The following MICAL2 variants were observed in gnomAD, a reference collection of about 807,000 sequenced individuals.
MICAL2 encodes [F-actin]-monooxygenase MICAL2.
MICAL2 carries 77 observed loss-of-function variants against 127.3 expected under a neutral mutation model. That is an observed-to-expected ratio of 0.60 (90% CI 0.50 to 0.73). MICAL2 has a LOEUF of 0.73. Ranked by LOEUF, MICAL2 falls within the 30% of genes least tolerant of loss-of-function variation. The probability of loss-of-function intolerance (pLI) is 0.00; values close to 1 mark genes in which losing one functional copy is unlikely to be tolerated. For missense variants in MICAL2, 1,351 were observed against 1,434.4 expected, an observed-to-expected ratio of 0.94 and a Z score of 0.94; for synonymous variants, 570 against 551.1, an observed-to-expected ratio of 1.03 and a Z score of -0.48.
intron 2 of MICAL2, among the ~76,000 whole-genome samples, chr11:12,159,747 C>T (rs774849164): frequency 2.6e-5 from 4 of 152,220 alleles, no homozygotes; most frequent in Non-Finnish European, 5.9e-5. Context: ...AATGTTAATA[C>T]GATCTGCAAA....
intron 2 of MICAL2, among the ~76,000 whole-genome samples, chr11:12,284,226 T>C (rs996527141): frequency 6.6e-6 from 1 of 152,202 alleles, no homozygotes; most frequent in Non-Finnish European, 1.5e-5. Context: ...ATCCATCTTT[T>C]TTTCTGGCAA....
chr11:12,146,870 C>T (rs1450998054), intron 2 of MICAL2, among the ~76,000 whole-genome samples: 1 of 152,192 alleles, frequency 6.6e-6, no homozygotes, highest in East Asian at 1.9e-4. Context: ...CCGTGGAATA[C>T]TATGCAGCCA....
rs375319203 is a variant in MICAL2, at chr11:12,145,227, G to A, written c.-78+6767G>A. On this transcript the variant is annotated intron_variant, in intron 2 of 27. Coordinates refer to ENST00000683283, the MANE Select transcript of MICAL2 (RefSeq NM_001282663.2). ...TTCTGTTTTCCAGCAGAACAAAATG[G>A]AAGTGAACAGGCCTCAGACTATGTG... 4.6e-5 allele frequency among the ~76,000 whole-genome samples: 7 copies of A among 152,296 alleles called. No homozygotes were observed. In the East Asian group the frequency reaches 5.8e-4, roughly 13 times the overall value.
At chr11:12,141,310 A>G (rs1590048906) in intron 2 of MICAL2, among the ~76,000 whole-genome samples, 2 of 152,284 alleles carry the variant, frequency 1.3e-5, no homozygotes, top group South Asian at 4.1e-4. Context: ...TTATTCAGGA[A>G]TTCAGGGAGG....
At position 12,222,661 on chromosome 11, in the gene MICAL2, T is replaced by C; in HGVS notation, c.1367T>C (p.Ile456Thr). 1 of 1,614,168 alleles carries C rather than the reference T, an allele frequency of 6.2e-7. No homozygotes were observed. Among genetic ancestry groups the C allele is most frequent in the Non-Finnish European group, 8.5e-7 (1 of 1,180,028 alleles). Residue 456 changes from isoleucine (I) to threonine (T), a missense_variant, in exon 11 of 28, where the codon ATC becomes ACC. Coordinates refer to ENST00000683283, the MANE Select transcript of MICAL2 (RefSeq NM_001282663.2). The stretch of plus-strand genomic sequence containing the variant: ...TTACCTCAGACAACCCCGGAGAACA[T>C]CAACAAGAACTTTGAGCAGTACACG... Reference protein sequence around the residue: ...RLLPQTTPENINKNFEQYTLD... With the variant: ...RLLPQTTPENTNKNFEQYTLD...
At chr11:12,210,895 C>T (rs992474103) in intron 6 of MICAL2, among the ~76,000 whole-genome samples, 1 of 152,208 alleles carries the variant, frequency 6.6e-6, no homozygotes, top group Admixed American at 6.5e-5. Flanking sequence ...GCATCCCTGG[C>T]CTCTGGCCCC....
At chr11:12,187,641 G>T (rs1194273717) in intron 3 of MICAL2, among the ~76,000 whole-genome samples, 1 of 152,224 alleles carries the variant, frequency 6.6e-6, no homozygotes. Context: ...GGTTCCTTGG[G>T]CTGGAATCAG....
chr11:12,325,047 C>CT (rs56014955), intron 31 of MICAL2, among the ~76,000 whole-genome samples: 131,792 of 152,194 alleles, frequency 0.87, 57,305 homozygotes, highest in Non-Finnish European at 0.9. Flanking sequence ...TTGAGTCCTG[C>CT]TGGCACCCAT....
chr11:12,221,549 GC>G (rs2134274374), intron 9 of MICAL2, 94 bp from the exon 10 acceptor site: 1 of 862,956 alleles, frequency 1.2e-6, no homozygotes, highest in Admixed American at 2.0e-5. Context: ...CCAGTGCCCT[GC>G]ACAGTCCTGG....
chr11:12,260,258 G>A, intron 26 of MICAL2: 5 of 1,435,736 alleles, frequency 3.5e-6, no homozygotes, highest in Non-Finnish European at 4.5e-6. Flanking sequence ...GCTCTGGCCA[G>A]GAAGCCTAGC....
At chr11:12,120,720 G>A (rs1271366226) in intron 1 of MICAL2, among the ~76,000 whole-genome samples, 3 of 152,216 alleles carry the variant, frequency 2.0e-5, no homozygotes, top group Non-Finnish European at 4.4e-5. Context: ...TGGTAGAAAC[G>A]TGAGGGCTGC....
Position 12,242,261 on chromosome 11 carries a change from A to C in MICAL2, c.2385A>C (p.Gln795His). 1 of 1,613,662 alleles carries C rather than the reference A, an allele frequency of 6.2e-7. No individual in the cohort carries two copies. The highest frequency in any genetic ancestry group is 2.2e-5 in the East Asian group (1 of 44,862). ...GGCACGTGCTCAGAGAGCTCAAGCA[A>C]GTGTCTGCTGGCAGTGAGTGCCTGA... ...VTGHVLRELKQVSAGSECLSR... is the reference protein window; with the variant it reads ...VTGHVLRELKHVSAGSECLSR... The change falls in exon 19 of 28, where the codon CAA becomes CAC. Residue 795 changes from glutamine (Q) to histidine (H), a missense_variant. By Grantham distance (24) the Gln-to-His change is conservative. Around this residue, in one of 2 missense-constraint regions of MICAL2, gnomAD observed 752 missense variants for 719.4 expected, o/e 1.05. Coordinates refer to ENST00000683283, the MANE Select transcript of MICAL2 (RefSeq NM_001282663.2).
At chr11:12,293,246 G>C (rs1590724631), downstream of MICAL2, among the ~76,000 whole-genome samples, 2 of 152,094 alleles carry the variant, frequency 1.3e-5, no homozygotes, top group East Asian at 3.9e-4. Flanking sequence ...ACCATCATGG[G>C]CCCGGGAGCT....
At position 12,330,614 on chromosome 11, in the gene MICAL2, C is replaced by T. The variant is rs1430318571; in HGVS notation, c.5515+3348C>T. Among the ~76,000 whole-genome samples, 5 of 152,080 alleles carry T rather than the reference C, an allele frequency of 3.3e-5. No homozygotes were observed. The East Asian group carries it at 9.6e-4, about 29-fold the overall frequency. On this transcript the variant is annotated intron_variant, in intron 32 of 34. Coordinates refer to the MICAL2 transcript ENST00000646065. ...ATGAGCAAAATGAGGCTTTGATGAGCTCCTCATTGTCGTGACAACAATTCC... is the reference window on the plus strand; with the variant it reads ...ATGAGCAAAATGAGGCTTTGATGAGTTCCTCATTGTCGTGACAACAATTCC...
At chr11:12,159,308 T>G (rs1448489204) in intron 2 of MICAL2, among the ~76,000 whole-genome samples, 2 of 152,224 alleles carry the variant, frequency 1.3e-5, no homozygotes, top group African/African-American at 4.8e-5. Flanking sequence ...GCCTCTAAAC[T>G]GTTCATAATT....
At chr11:12,250,254 C>T (rs1208589631) in intron 22 of MICAL2, 1 of 152,170 alleles carries the variant, frequency 6.6e-6, no homozygotes, top group East Asian at 1.9e-4. Context: ...AACGGCCGTG[C>T]TTTGTTTTAA....
chr11:12,219,301 C>G (rs963016686), intron 8 of MICAL2, among the ~76,000 whole-genome samples: 46 of 152,070 alleles, frequency 3.0e-4, no homozygotes, highest in Admixed American at 4.6e-4. Context: ...CTCTTCAATC[C>G]TCACATCCTG....
At chr11:12,346,579 CTG>C (rs1351734431) in intron 32 of MICAL2, among the ~76,000 whole-genome samples, 4 of 152,232 alleles carry the variant, frequency 2.6e-5, no homozygotes, top group Non-Finnish European at 4.4e-5. Context: ...CTGGCAAACT[CTG>C]TCATCCATTT....
chr11:12,192,596 G>A (rs1859341649), intron 3 of MICAL2, among the ~76,000 whole-genome samples: 1 of 152,076 alleles, frequency 6.6e-6, no homozygotes, highest in Non-Finnish European at 1.5e-5. Flanking sequence ...TGGCCAACAT[G>A]GTGAAACCCC....
Sources: gnomAD v4.1 joint callset for allele counts (sites outside exome capture counted in the v4.1 genomes callset) on GRCh38, gnomAD v4.1.1 for gene constraint, gnomAD v4.1.1 regional missense constraint, MANE v1.5 for transcripts, NCBI Gene and HGNC (gene_info 2026-07-23, HGNC 2026-07-21) for gene names.